The following PDE4D variants were observed in gnomAD, a reference collection of about 807,000 sequenced individuals.
PDE4D encodes the protein 3',5'-cyclic-AMP phosphodiesterase 4D.
PDE4D carries 24 observed loss-of-function variants against 87.4 expected under a neutral mutation model. The observed-to-expected ratio is 0.27, with a 90% CI of 0.20 to 0.39. PDE4D has a LOEUF of 0.39. Among genes scored for constraint, PDE4D ranks in the 10% least tolerant of loss-of-function variants. The probability of loss-of-function intolerance (pLI) is 1.00; values close to 1 mark genes in which losing one functional copy is unlikely to be tolerated. For synonymous variants in PDE4D, 384 were observed against 383.2 expected, an observed-to-expected ratio of 1.00 and a Z score of -0.02; for missense variants, 714 against 1,041.0, an observed-to-expected ratio of 0.69 and a Z score of 4.32.
chr5:60,264,829 AT>A (rs755418902), intron 1 of PDE4D, among the ~76,000 whole-genome samples: 32 of 152,128 alleles, frequency 2.1e-4, no homozygotes, highest in Non-Finnish European at 4.1e-4. Flanking sequence ...GAGTGACAAC[AT>A]TTTGCAAGTG....
intron 1 of PDE4D, among the ~76,000 whole-genome samples, chr5:59,619,785 A>T (rs1380369875): frequency 6.6e-6 from 1 of 152,102 alleles, no homozygotes; most frequent in Admixed American, 6.6e-5. Flanking sequence ...ACTAAGAAAA[A>T]ATTTCCTGGA....
chr5:59,213,266 C>G (rs972978849), intron 2 of PDE4D, among the ~76,000 whole-genome samples: 7 of 151,678 alleles, frequency 4.6e-5, no homozygotes, highest in Admixed American at 2.6e-4. Context: ...CCAGGCTCAA[C>G]CAATCCTCCT....
intron 1 of PDE4D, among the ~76,000 whole-genome samples, chr5:59,506,896 C>T (rs1809361270): frequency 6.6e-6 from 1 of 152,170 alleles, no homozygotes; most frequent in South Asian, 2.1e-4. Context: ...TCAAAAAATG[C>T]ATGCCTCATA....
intron 1 of PDE4D, among the ~76,000 whole-genome samples, chr5:59,692,849 T>C (rs575215468): frequency 6.6e-6 from 1 of 152,294 alleles, no homozygotes; most frequent in East Asian, 1.9e-4. Flanking sequence ...TTTCTCTTCC[T>C]CACTTTTCAT....
chr5:59,788,106 C>A (rs190417267), intron 1 of PDE4D, among the ~76,000 whole-genome samples: 2 of 152,178 alleles, frequency 1.3e-5, no homozygotes, highest in African/African-American at 4.8e-5. Flanking sequence ...GAAAAAAATG[C>A]ATTCTAGTAT....
At chr5:60,318,386 G>A (rs149948585) in intron 1 of PDE4D, among the ~76,000 whole-genome samples, 13,420 of 152,096 alleles carry the variant, frequency 0.088, 1,948 homozygotes, top group African/African-American at 0.31. Flanking sequence ...GTCTCTGCAC[G>A]TGAGATGGGT....
At chr5:59,817,017 G>A (rs1176615226) in intron 1 of PDE4D, among the ~76,000 whole-genome samples, 1 of 152,148 alleles carries the variant, frequency 6.6e-6, no homozygotes, top group Non-Finnish European at 1.5e-5. Flanking sequence ...AAGTGAGCAG[G>A]GGTAAATCAT....
At chr5:59,933,221 G>A (rs181207283) in intron 3 of PDE4D, among the ~76,000 whole-genome samples, 7 of 152,308 alleles carry the variant, frequency 4.6e-5, no homozygotes, top group African/African-American at 1.7e-4. Flanking sequence ...AAACATTACA[G>A]TTTGAGAAGA....
chr5:59,360,925 A>G lies in PDE4D; in HGVS notation c.456-144957T>C, dbSNP rs184950591. 2.0e-5 allele frequency among the ~76,000 whole-genome samples: 3 copies of G among 152,310 alleles called. No homozygotes were observed. In the East Asian group the frequency reaches 5.8e-4, roughly 29 times the overall value. ...ACACAAACAGACACAAACTGTAATTAAAGAGCTAAAATCAGGATATAGACT... is the reference window on the plus strand; with the variant it reads ...ACACAAACAGACACAAACTGTAATTGAAGAGCTAAAATCAGGATATAGACT... On this transcript the variant is annotated intron_variant, in intron 1 of 14. Transcript: ENST00000340635.
intron 1 of PDE4D, among the ~76,000 whole-genome samples, chr5:59,627,728 G>T (rs530309328): frequency 6.6e-6 from 1 of 152,154 alleles, no homozygotes; most frequent in Non-Finnish European, 1.5e-5. Flanking sequence ...CATAGCAATG[G>T]TTTTTACTGC....
chr5:60,048,109 C>T (rs1453918548), intron 2 of PDE4D, among the ~76,000 whole-genome samples: 2 of 152,000 alleles, frequency 1.3e-5, no homozygotes, highest in Admixed American at 6.6e-5. Context: ...GATCCCTTTA[C>T]CATTATGTAA....
At chr5:59,291,548 G>A (rs1214893977) in intron 1 of PDE4D, among the ~76,000 whole-genome samples, 1 of 151,798 alleles carries the variant, frequency 6.6e-6, no homozygotes, top group African/African-American at 2.4e-5. Flanking sequence ...ACAATTTATT[G>A]TATGTTTTTT....
chr5:60,007,570 A>C (rs559330223), intron 2 of PDE4D, among the ~76,000 whole-genome samples: 2 of 152,172 alleles, frequency 1.3e-5, no homozygotes, highest in South Asian at 4.1e-4. Flanking sequence ...GTTACCACAC[A>C]TACCTACACT....
At chr5:59,937,524 T>G (rs1243444968) in intron 3 of PDE4D, among the ~76,000 whole-genome samples, 1 of 152,176 alleles carries the variant, frequency 6.6e-6, no homozygotes, top group African/African-American at 2.4e-5. Context: ...TGGTGAAGAC[T>G]CTTTTCCAGT....
chr5:59,226,406 T>C (rs1190894847), intron 1 of PDE4D, among the ~76,000 whole-genome samples: 1 of 152,146 alleles, frequency 6.6e-6, no homozygotes, highest in East Asian at 1.9e-4. Flanking sequence ...GAAAGATAAA[T>C]ATTGCATGAT....
chr5:59,112,986 C>T (rs567720423), intron 5 of PDE4D, among the ~76,000 whole-genome samples: 10 of 151,614 alleles, frequency 6.6e-5, no homozygotes, highest in East Asian at 3.9e-4. Flanking sequence ...TTTTTAGTAG[C>T]GATGGGGTTT....
chr5:59,772,385 C>T (rs1057323440), intron 1 of PDE4D, among the ~76,000 whole-genome samples: 3 of 152,200 alleles, frequency 2.0e-5, no homozygotes, highest in South Asian at 2.1e-4. Context: ...TGAAAGTGGG[C>T]GAAATGTTTT....
chr5:59,847,001 C>T lies in PDE4D; in HGVS notation c.455+46167G>A, dbSNP rs1477597310. 2.0e-5 allele frequency among the ~76,000 whole-genome samples: 3 copies of T among 151,892 alleles called. No homozygotes were observed. The East Asian group carries it at 5.8e-4, about 30-fold the overall frequency. On this transcript the variant is annotated intron_variant, in intron 1 of 14. Transcript: ENST00000340635. Reference sequence around the variant, plus strand: ...GCCTTAACTCATCAGGATAATTCTCCATAAAATTTGAGAAATGGCAGAGCC... The same window carrying T: ...GCCTTAACTCATCAGGATAATTCTCTATAAAATTTGAGAAATGGCAGAGCC...
intron 1 of PDE4D, among the ~76,000 whole-genome samples, chr5:59,604,640 A>G (rs1827944884): frequency 2.0e-5 from 3 of 152,036 alleles, no homozygotes; most frequent in African/African-American, 7.2e-5. Context: ...AAGGGGAACT[A>G]TAAATAGTCA....
Sources: gnomAD v4.1 joint callset for allele counts (sites outside exome capture counted in the v4.1 genomes callset) on GRCh38, gnomAD v4.1.1 for gene constraint, MANE v1.5 for transcripts, NCBI Gene and HGNC (gene_info 2026-07-23, HGNC 2026-07-21) for gene names.